PADI2: variants seen among roughly 807,000 people sequenced by gnomAD.
The protein encoded by PADI2 is protein-arginine deiminase type-2.
A neutral mutation model predicts 81.1 loss-of-function variants in PADI2; 70 were observed. The observed-to-expected ratio is 0.86, with a 90% CI of 0.71 to 1.05. The LOEUF is 1.05. Among genes scored for constraint, PADI2 ranks in the 50% least tolerant of loss-of-function variants. The pLI is 0.00. For synonymous variants in PADI2, 338 were observed against 358.0 expected (o/e 0.94, Z 0.63); for missense variants, 853 against 889.9 (o/e 0.96, Z 0.53).
chr1:17,104,749 A>C, intron 2 of PADI2, 129 bp downstream of exon 2: 1 of 795,472 alleles, frequency 1.3e-6, no homozygotes, highest in Non-Finnish European at 1.8e-6. Flanking sequence ...TGCCTTTTCA[A>C]TGTGGTTACT....
chr1:17,100,047 G>GC lies in PADI2; in HGVS notation c.349+2939_349+2940insG, dbSNP rs71969360. Among the ~76,000 whole-genome samples the GC allele has an allele frequency of 2.8e-3, 414 of 147,780 alleles. 2 individuals are homozygous for GC. Among genetic ancestry groups the GC allele is most frequent in the African/African-American group, 9.3e-3 (380 of 40,804 alleles). On this transcript the variant is annotated intron_variant, in intron 3 of 15. Transcript: ENST00000375486. ...CCAGCCTCTCAAGATATTGGGGTTG[G>GC]GGGGGGGCTTGCCTCTGAGGCGCTG...
intron 1 of PADI2, among the ~76,000 whole-genome samples, chr1:17,116,537 G>A (rs551811390): frequency 2.1e-4 from 32 of 152,306 alleles, no homozygotes; most frequent in East Asian, 7.7e-4. Context: ...AGTTGGTGAA[G>A]TCTCTGGGGA....
In PADI2 at chr1:17,067,712, T is replaced by G. The variant is rs1486217302; in HGVS notation, c.*1332A>C. On this transcript the variant is annotated 3_prime_UTR_variant, in exon 16 of 16. Coordinates refer to ENST00000375486, the MANE Select transcript of PADI2 (RefSeq NM_007365.3). ...GCCCAACGCCGTGCCTGGCGCTTAG[T>G]GGCATACAACAAATGTTTGTTGAAT... 3.9e-5 allele frequency: 6 copies of G among 152,244 alleles called. No individual in the cohort carries two copies. Among genetic ancestry groups the G allele is most frequent in the Non-Finnish European group, 8.8e-5 (6 of 68,056 alleles). 9.4% of individuals were successfully genotyped at this position (152,244 alleles called of 1,614,324 possible).
chr1:17,092,812 G>A (rs1183478826), intron 5 of PADI2, among the ~76,000 whole-genome samples: 2 of 151,556 alleles, frequency 1.3e-5, no homozygotes, highest in Non-Finnish European at 2.9e-5. Context: ...AGCCACGCAT[G>A]GTGGCATGTG....
intron 11 of PADI2, 53 bp from the exon 12 acceptor site, chr1:17,075,876 C>A: frequency 1.3e-6 from 2 of 1,574,146 alleles, no homozygotes; most frequent in Non-Finnish European, 8.7e-7. Context: ...CACCAGAGGG[C>A]CTGCAAGAGG....
rs769326939 is a variant in PADI2, at chr1:17,086,551, G to T, written c.804C>A (p.Ile268=). The T allele has an allele frequency of 3.1e-6, 5 of 1,613,858 alleles. No individual in the cohort carries two copies. The highest frequency in any genetic ancestry group is 1.6e-4 in the Middle Eastern group (1 of 6,062). Residue 268 remains isoleucine, a synonymous_variant, in exon 7 of 16, where the codon ATC becomes ATA. Coordinates refer to ENST00000375486, the MANE Select transcript of PADI2 (RefSeq NM_007365.3). ...CCATGTACTCCAGCAGGCTGACATG[G>T]ATGGAGACCAGGCCTGAGAAGCCCT... ...PDEGFSGLVS[I]HVSLLEYMAQ... is the part of the protein sequence containing the mutation.
At chr1:17,103,844 C>T (rs1931238579) in intron 2 of PADI2, among the ~76,000 whole-genome samples, 1 of 144,526 alleles carries the variant, frequency 6.9e-6, no homozygotes, top group Admixed American at 6.9e-5. Flanking sequence ...ATTAGCTGGG[C>T]ACGATGGCAG....
intron 3 of PADI2, among the ~76,000 whole-genome samples, chr1:17,101,318 C>T (rs1378317516): frequency 6.6e-6 from 1 of 152,148 alleles, no homozygotes; most frequent in East Asian, 1.9e-4. Context: ...TGGTGGAAGT[C>T]TTGTTAATGG....
chr1:17,085,607 T>C (rs555639523), intron 7 of PADI2, among the ~76,000 whole-genome samples: 62 of 152,226 alleles, frequency 4.1e-4, no homozygotes, highest in Admixed American at 9.2e-4. Flanking sequence ...GTCTTACAGA[T>C]GGAGAAACTA....
At chr1:17,108,168 T>C (rs2295045) in intron 1 of PADI2, among the ~76,000 whole-genome samples, 120,490 of 151,700 alleles carry the variant, frequency 0.79, 48,406 homozygotes, top group East Asian at 0.95. Flanking sequence ...AGGCTGGTCT[T>C]GAACTCCTGA....
intron 1 of PADI2, among the ~76,000 whole-genome samples, chr1:17,117,407 G>A (rs900511012): frequency 5.9e-5 from 9 of 152,164 alleles, no homozygotes; most frequent in African/African-American, 1.9e-4. Flanking sequence ...ACTACTAGAA[G>A]ATTTAAAATG....
intron 11 of PADI2, among the ~76,000 whole-genome samples, chr1:17,076,770 G>T (rs1214813605): frequency 6.6e-6 from 1 of 151,778 alleles, no homozygotes; most frequent in Non-Finnish European, 1.5e-5. Context: ...GTAGAGATGG[G>T]GTTTTACCAT....
At chr1:17,071,226 C>T (rs910213543) in intron 14 of PADI2, among the ~76,000 whole-genome samples, 180 bp downstream of exon 14, 1 of 152,170 alleles carries the variant, frequency 6.6e-6, no homozygotes, top group Admixed American at 6.5e-5. Flanking sequence ...GGACTTTAGC[C>T]CAGGAGCAAA....
intron 10 of PADI2, among the ~76,000 whole-genome samples, chr1:17,079,849 C>T (rs1448462423): frequency 2.0e-5 from 3 of 150,508 alleles, no homozygotes; most frequent in East Asian, 3.9e-4. Flanking sequence ...GGCTGGAGTG[C>T]GGTGGCATGA....
chr1:17,104,515 A>G (rs1339103563), intron 2 of PADI2, among the ~76,000 whole-genome samples: 1 of 119,000 alleles, frequency 8.4e-6, no homozygotes, highest in Admixed American at 1.2e-4. Flanking sequence ...GCTCACTGCA[A>G]GCTCCGCCTC....
intron 6 of PADI2, among the ~76,000 whole-genome samples, chr1:17,092,039 G>A (rs1450070286): frequency 2.0e-5 from 3 of 152,070 alleles, no homozygotes; most frequent in Non-Finnish European, 2.9e-5. Context: ...TGCATCTTTA[G>A]GGGGTCTTTG....
rs2746493 is a variant in PADI2, at chr1:17,119,091, T to A, written c.92+189A>T. Among the ~76,000 whole-genome samples the A allele has an allele frequency of 0.053, 7,996 of 151,708 alleles. 692 individuals are homozygous for A. The highest frequency in any genetic ancestry group is 0.18 in the African/African-American group (7,428 of 41,238). ...GGGTCTGGGAGAGTCTCAGGGTTTC[T>A]GGAAGGTGGACACAAGGTTCGGGGG... is the stretch of plus-strand genomic sequence containing the variant. On this transcript the variant is annotated intron_variant, in intron 1 of 15. Coordinates refer to ENST00000375486, the MANE Select transcript of PADI2 (RefSeq NM_007365.3). The surrounding 1 kb of genome is among the most constrained non-coding windows in gnomAD (Gnocchi z 4.8).
intron 6 of PADI2, among the ~76,000 whole-genome samples, chr1:17,087,845 G>T (rs1486311094): frequency 6.6e-6 from 1 of 152,176 alleles, no homozygotes; most frequent in African/African-American, 2.4e-5. Flanking sequence ...CTGTGCGAGG[G>T]TAGAGACAGG....
intron 3 of PADI2, among the ~76,000 whole-genome samples, chr1:17,102,289 A>G (rs868482138): frequency 6.6e-6 from 1 of 152,326 alleles, no homozygotes; most frequent in Middle Eastern, 3.4e-3. Context: ...GTGATGGAAA[A>G]TTCAGATGAT....
Sources: allele counts gnomAD v4.1 joint callset (sites outside exome capture counted in the v4.1 genomes callset), GRCh38; gene constraint gnomAD v4.1.1; non-coding constraint Gnocchi (gnomAD v3.1); transcripts MANE v1.5; gene names NCBI Gene and HGNC (gene_info 2026-07-23, HGNC 2026-07-21).